The following THSD7A variants were observed in gnomAD, a reference collection of about 807,000 sequenced individuals.
THSD7A encodes thrombospondin type 1 domain containing 7A.
In THSD7A, 96 loss-of-function variants were observed where a neutral mutation model predicts 231.3. That is an observed-to-expected ratio of 0.41 (90% CI 0.35 to 0.49). The LOEUF is 0.49. THSD7A is among the 20% of genes least tolerant of loss of function. THSD7A has a pLI of 0.05. For missense variants in THSD7A, 2,290 were observed against 2,070.2 expected (o/e 1.11, Z -2.06); for synonymous variants, 940 against 743.3 (o/e 1.26, Z -4.30).
At chr7:11,424,522 T>A (rs1313342633) in intron 16 of THSD7A, among the ~76,000 whole-genome samples, 174 bp downstream of exon 16, 1 of 152,222 alleles carries the variant, frequency 6.6e-6, no homozygotes, top group Non-Finnish European at 1.5e-5. Flanking sequence ...TATAATAAAC[T>A]GCTGCTTGAA....
chr7:11,758,685 CA>C (rs1456683276), intron 1 of THSD7A, among the ~76,000 whole-genome samples: 1 of 151,960 alleles, frequency 6.6e-6, no homozygotes, highest in Non-Finnish European at 1.5e-5. Context: ...AGGGAATAAG[CA>C]AAAAGTATCC....
At chr7:11,805,757 A>C (rs1417905993) in intron 1 of THSD7A, among the ~76,000 whole-genome samples, 1 of 152,146 alleles carries the variant, frequency 6.6e-6, no homozygotes, top group Non-Finnish European at 1.5e-5. Context: ...ATCAAAAACC[A>C]CAACATTTCT....
intron 6 of THSD7A, among the ~76,000 whole-genome samples, chr7:11,534,353 T>C (rs1276695443): frequency 1.3e-5 from 2 of 152,082 alleles, no homozygotes; most frequent in Non-Finnish European, 2.9e-5. Flanking sequence ...ATTGTGTGAG[T>C]TCAAGAGGAC....
intron 1 of THSD7A, among the ~76,000 whole-genome samples, chr7:11,778,361 G>A (rs573933990): frequency 6.6e-5 from 10 of 151,870 alleles, no homozygotes; most frequent in South Asian, 2.1e-4. Context: ...ATTGTTTCTC[G>A]CCATATAAAG....
chr7:11,715,197 TTG>T (rs1203475503), intron 1 of THSD7A, among the ~76,000 whole-genome samples: 1 of 151,448 alleles, frequency 6.6e-6, no homozygotes, highest in African/African-American at 2.4e-5. Flanking sequence ...AAAAATCATA[TTG>T]TTTTCCTCTG....
At chr7:11,528,212 G>A (rs1012830278) in intron 6 of THSD7A, among the ~76,000 whole-genome samples, 2 of 151,986 alleles carry the variant, frequency 1.3e-5, no homozygotes, top group Non-Finnish European at 2.9e-5. Flanking sequence ...CTTCATGTGA[G>A]GATAGCTCTA....
At chr7:11,523,845 T>C (rs10235187) in intron 6 of THSD7A, among the ~76,000 whole-genome samples, 37,227 of 151,794 alleles carry the variant, frequency 0.25, 5,420 homozygotes, top group African/African-American at 0.41. Flanking sequence ...TTTTAAGTTA[T>C]TTCATTCTTC....
Position 11,401,784 on chromosome 7 carries a change from G to A in THSD7A, c.4411+11C>T. 6.2e-7 allele frequency: 1 copy of A among 1,608,376 alleles called. No individual in the cohort carries two copies. Among genetic ancestry groups the A allele is most frequent in the South Asian group, 1.1e-5 (1 of 90,342 alleles). The stretch of plus-strand genomic sequence containing the variant: ...TTGCTTAAGATAGAGTATATGAACG[G>A]TAGCACTCACCATAACATGATTTTG... On this transcript the variant is annotated intron_variant, in intron 23 of 27. Transcript: ENST00000423059.
intron 1 of THSD7A, among the ~76,000 whole-genome samples, chr7:11,665,749 T>A (rs1783104774): frequency 6.6e-6 from 1 of 152,106 alleles, no homozygotes; most frequent in Non-Finnish European, 1.5e-5. Flanking sequence ...ATCCAGGTTG[T>A]GTGGGACCAA....
intron 6 of THSD7A, among the ~76,000 whole-genome samples, chr7:11,495,908 A>G (rs1304478054): frequency 6.6e-6 from 1 of 152,120 alleles, no homozygotes; most frequent in Non-Finnish European, 1.5e-5. Context: ...GAGAGTTAAG[A>G]TTTTTAGACA....
chr7:11,552,980 A>T (rs1789694717), intron 4 of THSD7A, among the ~76,000 whole-genome samples: 1 of 151,954 alleles, frequency 6.6e-6, no homozygotes, highest in South Asian at 2.1e-4. Context: ...CTCTCTCTAG[A>T]GAGGGAGATG....
At chr7:11,743,368 C>T (rs1465007) in intron 1 of THSD7A, among the ~76,000 whole-genome samples, 35,692 of 151,676 alleles carry the variant, frequency 0.24, 6,358 homozygotes, top group African/African-American at 0.5. Flanking sequence ...AGAATATTCA[C>T]CTTGACCTGA....
chr7:11,519,364 T>C (rs928764002), intron 6 of THSD7A, among the ~76,000 whole-genome samples: 7 of 152,184 alleles, frequency 4.6e-5, no homozygotes, highest in African/African-American at 1.7e-4. Flanking sequence ...GAAATTCATG[T>C]GAATAAATTT....
chr7:11,489,217 A>C (rs1786789242), intron 6 of THSD7A, among the ~76,000 whole-genome samples: 1 of 152,104 alleles, frequency 6.6e-6, no homozygotes. Flanking sequence ...AAAATGCCAG[A>C]ACCTATATTG....
intron 1 of THSD7A, among the ~76,000 whole-genome samples, chr7:11,781,427 C>CA (rs1262042911): frequency 6.6e-6 from 1 of 151,858 alleles, no homozygotes; most frequent in African/African-American, 2.4e-5. Context: ...GCCTGGGTGG[C>CA]AGAACAAGAC....
intron 2 of THSD7A, among the ~76,000 whole-genome samples, chr7:11,615,777 T>A (rs1184073532): frequency 6.6e-6 from 1 of 152,196 alleles, no homozygotes; most frequent in Non-Finnish European, 1.5e-5. Flanking sequence ...TGGAGGAACA[T>A]TGATTTAATC....
rs757994908 is a variant in THSD7A at position 11,640,270 on chromosome 7, G to T, written c.191-3309C>A. Among the ~76,000 whole-genome samples the T allele has an allele frequency of 1.8e-4, 27 of 152,132 alleles. 1 individual carries two copies. The highest frequency in any genetic ancestry group is 4.4e-5 in the Non-Finnish European group (3 of 68,004). ...GTTCAGTAATATTTATTGAATGAAT[G>T]AATAAAATCAGAAACCAAATCAAGA... On this transcript the variant is annotated intron_variant, in intron 1 of 27. Transcript: ENST00000423059.
chr7:11,400,462 A>G (rs1377319300), intron 23 of THSD7A, among the ~76,000 whole-genome samples: 1 of 149,718 alleles, frequency 6.7e-6, no homozygotes, highest in South Asian at 2.1e-4. Flanking sequence ...CTTTAGAGGT[A>G]TGATTTTACT....
rs139697950 is a variant in THSD7A at position 11,649,000 on chromosome 7, T to A, written c.191-12039A>T. On this transcript the variant is annotated intron_variant, in intron 1 of 27. Transcript: ENST00000423059. Reference sequence around the variant, plus strand: ...AATGGTCCCTGCTTTCTGCTGTTCATGCCTTTTTATAGTGCTCTCTGATAT... The same window carrying A: ...AATGGTCCCTGCTTTCTGCTGTTCAAGCCTTTTTATAGTGCTCTCTGATAT... Among the ~76,000 whole-genome samples, 1,034 of 152,168 alleles carry A rather than the reference T, an allele frequency of 6.8e-3. 17 individuals carry two copies. Among genetic ancestry groups the A allele is most frequent in the African/African-American group, 0.023 (971 of 41,550 alleles).
Sources: gnomAD v4.1 joint callset for allele counts (sites outside exome capture counted in the v4.1 genomes callset) on GRCh38, gnomAD v4.1.1 for gene constraint, MANE v1.5 for transcripts, NCBI Gene and HGNC (gene_info 2026-07-23, HGNC 2026-07-21) for gene names.